The following LUZP2 variants were observed in gnomAD, a reference collection of about 807,000 sequenced individuals.
LUZP2 encodes the protein leucine zipper protein 2.
LUZP2 carries 52 observed loss-of-function variants against 51.6 expected under a neutral mutation model. That is an observed-to-expected ratio of 1.01 (90% confidence interval 0.81 to 1.27). The LOEUF is 1.27. Among genes scored for constraint, LUZP2 ranks in the 50% most tolerant of loss-of-function variants. The pLI, the probability that LUZP2 is intolerant of heterozygous loss-of-function variation, is 0.00. For synonymous variants in LUZP2, 154 were observed against 137.3 expected (o/e 1.12, Z -0.85); for missense variants, 436 against 395.4 (o/e 1.10, Z -0.87).
chr11:24,558,169 C>A (rs1851928105), intron 1 of LUZP2, among the ~76,000 whole-genome samples: 1 of 152,072 alleles, frequency 6.6e-6, no homozygotes, highest in African/African-American at 2.4e-5. Flanking sequence ...CTTTTAGACT[C>A]TGGGGCTCAC....
chr11:24,878,111 T>C lies in LUZP2; in HGVS notation c.397-27880T>C, dbSNP rs536075158. ...TTGTAATATTCTGTGTTTTTTTTTT[T>C]TTTTTTGGTGAACTTACAATTACCA... On this transcript the variant is annotated intron_variant, in intron 5 of 11. Coordinates refer to ENST00000336930, the MANE Select transcript of LUZP2 (RefSeq NM_001009909.4). 2.6e-5 allele frequency among the ~76,000 whole-genome samples: 4 copies of C among 151,090 alleles called. No individual in the cohort carries two copies. In the East Asian group the frequency reaches 5.9e-4, roughly 22 times the overall value.
At chr11:25,050,568 G>T (rs899087382) in intron 10 of LUZP2, among the ~76,000 whole-genome samples, 7 of 151,908 alleles carry the variant, frequency 4.6e-5, no homozygotes, top group Non-Finnish European at 7.4e-5. Context: ...CCTCCCAAAG[G>T]GCTGGGATTA....
chr11:24,747,672 C>A (rs1859429418), intron 4 of LUZP2, among the ~76,000 whole-genome samples: 3 of 152,054 alleles, frequency 2.0e-5, no homozygotes, highest in Non-Finnish European at 4.4e-5. Flanking sequence ...GAAGGACCAT[C>A]AGGTTGCTGC....
At position 24,529,727 on chromosome 11, in the gene LUZP2, ATTGT is replaced by A. The variant is rs1356656927; in HGVS notation, c.62+32425_62+32428del. Among the ~76,000 whole-genome samples, 4 of 151,194 alleles carry A rather than the reference ATTGT, an allele frequency of 2.6e-5. No individual in the cohort carries two copies. The East Asian group carries it at 5.8e-4, about 22-fold the overall frequency. On this transcript the variant is annotated intron_variant, in intron 1 of 11. Coordinates refer to ENST00000336930, the MANE Select transcript of LUZP2 (RefSeq NM_001009909.4). ...CCATTTAATAGAGCAAAAGAATATG[ATTGT>A]TTAATTAAGTTAGCCTATAATACAA...
chr11:24,874,057 G>A (rs190302082), intron 5 of LUZP2, among the ~76,000 whole-genome samples: 1 of 152,270 alleles, frequency 6.6e-6, no homozygotes, highest in African/African-American at 2.4e-5. Context: ...TAGACTGTGA[G>A]ATAATTAATT....
At chr11:24,913,079 C>T (rs1325372348) in intron 6 of LUZP2, among the ~76,000 whole-genome samples, 1 of 152,088 alleles carries the variant, frequency 6.6e-6, no homozygotes, top group Non-Finnish European at 1.5e-5. Context: ...TGAGATTTAT[C>T]TAGTTTAAGT....
intron 5 of LUZP2, among the ~76,000 whole-genome samples, chr11:24,880,195 A>G (rs1852415899): frequency 6.6e-6 from 1 of 152,180 alleles, no homozygotes; most frequent in South Asian, 2.1e-4. Flanking sequence ...ATGGGTAAAC[A>G]TCTGCTGAGT....
chr11:24,728,665 A>G (rs10834460), intron 1 of LUZP2, among the ~76,000 whole-genome samples: 89,116 of 151,852 alleles, frequency 0.59, 26,637 homozygotes, highest in African/African-American at 0.61. Flanking sequence ...ATGAGTAGTC[A>G]TTTCACATTT....
intron 1 of LUZP2, among the ~76,000 whole-genome samples, chr11:24,651,186 C>T (rs989814142): frequency 6.6e-6 from 1 of 152,044 alleles, no homozygotes; most frequent in Non-Finnish European, 1.5e-5. Flanking sequence ...TGATACTAAC[C>T]AATGGGACCA....
chr11:25,005,395 G>T lies in LUZP2; in HGVS notation c.765+22102G>T, dbSNP rs367864645. Among the ~76,000 whole-genome samples, 5 of 152,240 alleles carry T rather than the reference G, an allele frequency of 3.3e-5. No individual in the cohort carries two copies. The South Asian group carries it at 6.2e-4, about 19-fold the overall frequency. ...CATTTGCCTTCCCTCTTACAGAAAA[G>T]GTCAAGCTGCAGGATAGTTTTGTAA... On this transcript the variant is annotated intron_variant, in intron 9 of 11. Coordinates refer to ENST00000336930, the MANE Select transcript of LUZP2 (RefSeq NM_001009909.4).
chr11:24,951,810 T>C (rs1387448066), intron 7 of LUZP2, among the ~76,000 whole-genome samples: 1 of 151,604 alleles, frequency 6.6e-6, no homozygotes, highest in Non-Finnish European at 1.5e-5. Context: ...TGAAAACCCT[T>C]ACAAAAACTT....
intron 1 of LUZP2, among the ~76,000 whole-genome samples, chr11:24,627,860 A>C (rs1854738299): frequency 6.6e-6 from 1 of 152,170 alleles, no homozygotes; most frequent in Admixed American, 6.5e-5. Context: ...ACTCTTCTCC[A>C]AATGTAATAC....
intron 8 of LUZP2, among the ~76,000 whole-genome samples, chr11:24,982,606 G>T (rs769206438): frequency 1.3e-5 from 2 of 151,734 alleles, no homozygotes; most frequent in African/African-American, 4.8e-5. Flanking sequence ...CTACTTGAGG[G>T]TGGAGGATGA....
At chr11:24,814,663 A>C (rs1850119320) in intron 5 of LUZP2, among the ~76,000 whole-genome samples, 1 of 152,186 alleles carries the variant, frequency 6.6e-6, no homozygotes. Flanking sequence ...AAGATATTTA[A>C]ATCCTAGTGC....
At chr11:24,842,442 G>A (rs1487858064) in intron 5 of LUZP2, among the ~76,000 whole-genome samples, 1 of 151,688 alleles carries the variant, frequency 6.6e-6, no homozygotes, top group African/African-American at 2.4e-5. Context: ...TATTTAATAG[G>A]TCAGTCAGGG....
chr11:24,509,505 A>G (rs1176295470), intron 1 of LUZP2, among the ~76,000 whole-genome samples: 3 of 148,794 alleles, frequency 2.0e-5, no homozygotes, highest in Non-Finnish European at 4.5e-5. Context: ...TATATATGTA[A>G]TATATAATGT....
At chr11:24,682,765 G>A (rs763588400) in intron 1 of LUZP2, among the ~76,000 whole-genome samples, 14 of 151,810 alleles carry the variant, frequency 9.2e-5, no homozygotes, top group Non-Finnish European at 1.6e-4. Context: ...CAGCACGTTG[G>A]GAGGCCAAGG....
chr11:25,015,178 C>A (rs925222353), intron 9 of LUZP2, among the ~76,000 whole-genome samples: 1 of 152,102 alleles, frequency 6.6e-6, no homozygotes, highest in Non-Finnish European at 1.5e-5. Context: ...TATAAATTCT[C>A]ACAAAACACT....
chr11:24,984,524 T>TTATATATATA (rs1209500084), intron 9 of LUZP2, among the ~76,000 whole-genome samples: 4 of 90,052 alleles, frequency 4.4e-5, no homozygotes, highest in African/African-American at 1.6e-4. Context: ...ATTACATATT[T>TTATATATATA]TATATATATA....
Sources: gnomAD v4.1 joint callset for allele counts (sites outside exome capture counted in the v4.1 genomes callset) on GRCh38, gnomAD v4.1.1 for gene constraint, MANE v1.5 for transcripts, NCBI Gene and HGNC (gene_info 2026-07-23, HGNC 2026-07-21) for gene names.